SLC35D2: variants seen among roughly 807,000 people sequenced by gnomAD.
The protein encoded by SLC35D2 is solute carrier family 35 member D2.
Under a neutral mutation model 41.8 loss-of-function variants are expected in SLC35D2, and 43 were observed. The ratio of observed to expected loss-of-function variants is 1.03; its 90% CI spans 0.81 to 1.33. The LOEUF (loss-of-function observed/expected upper bound fraction) is 1.33, where lower values mean the gene tolerates loss of function less well. SLC35D2 is among the 40% of genes most tolerant of loss of function. The pLI is 0.00. For missense variants in SLC35D2, 380 were observed against 408.4 expected (o/e 0.93, Z 0.60); for synonymous variants, 150 against 163.9 (o/e 0.92, Z 0.65).
At position 96,352,049 on chromosome 9, in the gene SLC35D2, G is replaced by T; in HGVS notation, c.408C>A (p.Thr136=). Residue 136 remains threonine (T), a synonymous_variant, in exon 5 of 12, where the codon ACC becomes ACA. Coordinates refer to ENST00000253270, the MANE Select transcript of SLC35D2 (RefSeq NM_007001.3). ...AAAAACAAAATCACCCAAGTATGAT[G>T]GTTTCCAGAAGTAAGGTAAGTGGAA... ...FTIPLTLLLE[T]IILGKQYSLN... 1 of 1,610,632 alleles carries T rather than the reference G, an allele frequency of 6.2e-7. No individual in the cohort carries two copies. Among genetic ancestry groups the T allele is most frequent in the Non-Finnish European group, 8.5e-7 (1 of 1,177,550 alleles).
chr9:96,338,934 G>A (rs562642262), intron 8 of SLC35D2, among the ~76,000 whole-genome samples: 156 of 152,248 alleles, frequency 1.0e-3, no homozygotes, highest in African/African-American at 3.6e-3. Context: ...CAAACCAAGG[G>A]TAGAAAAACA....
At chr9:96,382,498 A>C (rs13293741) in intron 1 of SLC35D2, among the ~76,000 whole-genome samples, 32 of 103,048 alleles carry the variant, frequency 3.1e-4, no homozygotes, top group African/African-American at 3.6e-4. Flanking sequence ...CACACACACT[A>C]TATATATATA....
At chr9:96,377,202 C>T (rs543042335) in intron 1 of SLC35D2, among the ~76,000 whole-genome samples, 1 of 151,952 alleles carries the variant, frequency 6.6e-6, no homozygotes, top group African/African-American at 2.4e-5. Flanking sequence ...CTCGTGTTAC[C>T]GCTGATCATC....
downstream of SLC35D2, among the ~76,000 whole-genome samples, chr9:96,317,670 C>T (rs1828086640): frequency 6.6e-6 from 1 of 152,060 alleles, no homozygotes; most frequent in Non-Finnish European, 1.5e-5. Flanking sequence ...GTTTGTTTTG[C>T]TTAGCATCTT....
chr9:96,318,716 A>G (rs1437257101), downstream of SLC35D2, among the ~76,000 whole-genome samples: 2 of 152,072 alleles, frequency 1.3e-5, no homozygotes, highest in African/African-American at 4.8e-5. Context: ...CAGCTACTCC[A>G]GAGGCTGAGG....
At position 96,336,217 on chromosome 9, in the gene SLC35D2, T is replaced by C. The variant is rs181893107; in HGVS notation, c.752+500A>G. Among the ~76,000 whole-genome samples, 640 of 152,128 alleles carry C rather than the reference T, an allele frequency of 4.2e-3. 5 individuals carry two copies. Among genetic ancestry groups the C allele is most frequent in the South Asian group, 8.1e-3 (39 of 4,802 alleles). On this transcript the variant is annotated intron_variant, in intron 9 of 11. Coordinates refer to ENST00000253270, the MANE Select transcript of SLC35D2 (RefSeq NM_007001.3). ...ACATAATTATTTGAGGAAGGGATCTTGAAAAACTAAGGACATGGTGACAAA... is the reference window on the plus strand; with the variant it reads ...ACATAATTATTTGAGGAAGGGATCTCGAAAAACTAAGGACATGGTGACAAA...
chr9:96,323,693 G>A (rs1206209391), intron 10 of SLC35D2, among the ~76,000 whole-genome samples: 1 of 152,038 alleles, frequency 6.6e-6, no homozygotes, highest in Non-Finnish European at 1.5e-5. Flanking sequence ...TTGGGAGGCC[G>A]AGGTGGGTGG....
At chr9:96,377,219 G>A (rs1000951939) in intron 1 of SLC35D2, among the ~76,000 whole-genome samples, 1 of 151,954 alleles carries the variant, frequency 6.6e-6, no homozygotes, top group Non-Finnish European at 1.5e-5. Context: ...CATCCGAAAC[G>A]GGCCACTCTT....
chr9:96,313,693 C>A (rs1357692135), exon 12 of SLC35D2, among the ~76,000 whole-genome samples: 2 of 152,234 alleles, frequency 1.3e-5, no homozygotes, highest in Non-Finnish European at 2.9e-5. Context: ...AGGGCAAAGA[C>A]CAGACATCTT....
At chr9:96,350,841 C>A in intron 6 of SLC35D2, 1 of 308,004 alleles carries the variant, frequency 3.2e-6, no homozygotes, top group Non-Finnish European at 6.0e-6. Flanking sequence ...GAAATGTAAA[C>A]AGTTCACTGC....
intron 1 of SLC35D2, among the ~76,000 whole-genome samples, chr9:96,378,568 C>G (rs999745912): frequency 6.6e-6 from 1 of 152,106 alleles, no homozygotes; most frequent in African/African-American, 2.4e-5. Flanking sequence ...TTAGCAAATT[C>G]TTCCATGTCA....
At chr9:96,329,633 C>A (rs541358521) in intron 9 of SLC35D2, among the ~76,000 whole-genome samples, 1 of 152,186 alleles carries the variant, frequency 6.6e-6, no homozygotes, top group Non-Finnish European at 1.5e-5. Context: ...TGTAAGCATA[C>A]GCTGTCCATT....
chr9:96,370,968 G>A (rs1414361267), intron 1 of SLC35D2, among the ~76,000 whole-genome samples: 9 of 152,274 alleles, frequency 5.9e-5, no homozygotes, highest in African/African-American at 9.6e-5. Flanking sequence ...GCTACATGGC[G>A]ACTGCTGAAA....
chr9:96,322,556 A>G (rs1433200636), intron 10 of SLC35D2, among the ~76,000 whole-genome samples: 2 of 152,144 alleles, frequency 1.3e-5, no homozygotes, highest in Non-Finnish European at 2.9e-5. Flanking sequence ...TATGGGGCTT[A>G]CTAAATAAAT....
chr9:96,371,141 ATAATT>A (rs1437443126), intron 1 of SLC35D2, among the ~76,000 whole-genome samples: 1 of 152,166 alleles, frequency 6.6e-6, no homozygotes, highest in Non-Finnish European at 1.5e-5. Flanking sequence ...ATTCCATTCT[ATAATT>A]TAAGTTAAAC....
intron 9 of SLC35D2, among the ~76,000 whole-genome samples, chr9:96,336,051 A>ACC (rs1829037657): frequency 1.1e-5 from 1 of 87,562 alleles, no homozygotes; most frequent in Admixed American, 1.0e-4. Flanking sequence ...CTCCATCTTC[A>ACC]AAAAAAAAAA....
downstream of SLC35D2, among the ~76,000 whole-genome samples, chr9:96,318,686 GGC>G (rs1828115256): frequency 6.6e-6 from 1 of 152,038 alleles, no homozygotes. Context: ...AACACAGCCA[GGC>G]AGGTGAGCCT....
intron 4 of SLC35D2, among the ~76,000 whole-genome samples, chr9:96,354,685 T>C (rs1829944516): frequency 6.8e-6 from 1 of 146,348 alleles, no homozygotes; most frequent in Non-Finnish European, 1.5e-5. Flanking sequence ...GGACAATTGC[T>C]TGAACCTAGG....
At chr9:96,365,857 T>C (rs1204999273) in intron 2 of SLC35D2, among the ~76,000 whole-genome samples, 1 of 152,200 alleles carries the variant, frequency 6.6e-6, no homozygotes, top group Non-Finnish European at 1.5e-5. Context: ...TTTTAGGATG[T>C]GAAAATTTAA....
Sources: gnomAD v4.1 joint callset for allele counts (sites outside exome capture counted in the v4.1 genomes callset) on GRCh38, gnomAD v4.1.1 for gene constraint, MANE v1.5 for transcripts, NCBI Gene and HGNC (gene_info 2026-07-23, HGNC 2026-07-21) for gene names.